The following PTPRD variants were observed in gnomAD, a reference collection of about 807,000 sequenced individuals.
PTPRD encodes the protein receptor-type tyrosine-protein phosphatase delta.
PTPRD carries 34 observed loss-of-function variants against 214.5 expected under a neutral mutation model. The ratio of observed to expected loss-of-function variants is 0.16; its 90% CI spans 0.12 to 0.21. The LOEUF (loss-of-function observed/expected upper bound fraction) is 0.21, where lower values mean the gene tolerates loss of function less well. Ranked by LOEUF, PTPRD falls within the 10% of genes least tolerant of loss-of-function variation. PTPRD has a pLI of 1.00. For synonymous variants in PTPRD, 1,128 were observed against 845.7 expected, an observed-to-expected ratio of 1.33 and a Z score of -5.79; for missense variants, 2,545 against 2,398.7, an observed-to-expected ratio of 1.06 and a Z score of -1.27.
intron 5 of PTPRD, among the ~76,000 whole-genome samples, chr9:9,840,600 A>G (rs2058052102): frequency 6.6e-6 from 1 of 151,820 alleles, no homozygotes; most frequent in African/African-American, 2.4e-5. Context: ...AATCGGAAAG[A>G]AATGGGAAGG....
chr9:9,220,319 T>TTTTTTAAA (rs1555012243), intron 9 of PTPRD, among the ~76,000 whole-genome samples: 1 of 148,546 alleles, frequency 6.7e-6, no homozygotes, highest in Non-Finnish European at 1.5e-5. Flanking sequence ...GCTTTTTTTT[T>TTTTTTAAA]AAAAGCACTA....
At chr9:10,143,374 G>C (rs1449078492) in intron 3 of PTPRD, among the ~76,000 whole-genome samples, 2 of 152,054 alleles carry the variant, frequency 1.3e-5, no homozygotes, top group African/African-American at 4.8e-5. Context: ...TCTTACACCA[G>C]TTAGAATGGC....
At chr9:8,755,995 ATG>A (rs1431455838) in intron 11 of PTPRD, among the ~76,000 whole-genome samples, 1 of 152,240 alleles carries the variant, frequency 6.6e-6, no homozygotes, top group Non-Finnish European at 1.5e-5. Flanking sequence ...AAACATTAGT[ATG>A]TGTGTAGAAG....
At chr9:8,565,286 G>A (rs1194283233) in intron 14 of PTPRD, among the ~76,000 whole-genome samples, 1 of 152,140 alleles carries the variant, frequency 6.6e-6, no homozygotes, top group Non-Finnish European at 1.5e-5. Context: ...GTAATCAACT[G>A]CTATTTTAAA....
intron 5 of PTPRD, among the ~76,000 whole-genome samples, chr9:9,818,892 G>C (rs2049710070): frequency 7.2e-6 from 1 of 138,946 alleles, no homozygotes; most frequent in African/African-American, 2.8e-5. Context: ...CTCCAGCCTG[G>C]GCAACAGAGC....
intron 8 of PTPRD, among the ~76,000 whole-genome samples, chr9:9,482,703 C>T (rs116588162): frequency 0.011 from 1,646 of 152,230 alleles, 32 homozygotes; most frequent in African/African-American, 0.037. Flanking sequence ...CACATTTATG[C>T]TTAAAATAAG....
chr9:10,210,047 T>A (rs1488882964), intron 3 of PTPRD, among the ~76,000 whole-genome samples: 1 of 152,126 alleles, frequency 6.6e-6, no homozygotes, highest in African/African-American at 2.4e-5. Flanking sequence ...TTTTAAAAGG[T>A]GAAAAAGTTT....
chr9:8,888,864 A>ACTT (rs1015851241), intron 11 of PTPRD, among the ~76,000 whole-genome samples: 1 of 152,196 alleles, frequency 6.6e-6, no homozygotes, highest in Non-Finnish European at 1.5e-5. Context: ...AGGTTATTGT[A>ACTT]CTTATTAACT....
intron 11 of PTPRD, among the ~76,000 whole-genome samples, chr9:8,911,341 G>C (rs2098745743): frequency 6.6e-6 from 1 of 151,846 alleles, no homozygotes; most frequent in Admixed American, 6.6e-5. Context: ...AATTCAGTTG[G>C]GAAAAGATGG....
rs16930183 is a variant in PTPRD, at chr9:9,744,288, C to A, written c.-325-9717G>T. ...ACCTTTCCTTTGGAGGGAAATGAGT[C>A]GTTTTAGAGTAGAGTGGCTGCAATT... On this transcript the variant is annotated intron_variant, in intron 6 of 45. Transcript: ENST00000381196. Among the ~76,000 whole-genome samples the A allele has an allele frequency of 9.4e-3, 1,431 of 152,146 alleles. 13 individuals carry two copies. Among genetic ancestry groups the A allele is most frequent in the African/African-American group, 0.018 (748 of 41,528 alleles).
chr9:8,859,535 G>T (rs1014932390), intron 11 of PTPRD, among the ~76,000 whole-genome samples: 5 of 152,140 alleles, frequency 3.3e-5, no homozygotes, highest in African/African-American at 1.2e-4. Context: ...TCTGTGTTCA[G>T]GCCAGCACAT....
At chr9:10,310,340 G>T (rs2096235164) in intron 3 of PTPRD, among the ~76,000 whole-genome samples, 1 of 151,966 alleles carries the variant, frequency 6.6e-6, no homozygotes, top group African/African-American at 2.4e-5. Context: ...CTTGCCCCCT[G>T]CCAACTGATA....
At chr9:9,207,806 A>G (rs2099945809) in intron 9 of PTPRD, among the ~76,000 whole-genome samples, 1 of 152,074 alleles carries the variant, frequency 6.6e-6, no homozygotes, top group Non-Finnish European at 1.5e-5. Context: ...AAACAACTCA[A>G]ATTTCCATCA....
At chr9:9,893,369 G>A (rs767809888) in intron 5 of PTPRD, among the ~76,000 whole-genome samples, 9 of 152,030 alleles carry the variant, frequency 5.9e-5, no homozygotes, top group Non-Finnish European at 1.3e-4. Context: ...TTGGTATGCT[G>A]TCTTCAAGAG....
intron 5 of PTPRD, among the ~76,000 whole-genome samples, chr9:9,785,062 G>T (rs2098910693): frequency 6.6e-6 from 1 of 150,868 alleles, no homozygotes; most frequent in Non-Finnish European, 1.5e-5. Context: ...TCTTTAGAAA[G>T]AATGAAAGAA....
chr9:10,038,589 T>C (rs1459788921), intron 3 of PTPRD, among the ~76,000 whole-genome samples: 1 of 152,072 alleles, frequency 6.6e-6, no homozygotes, highest in African/African-American at 2.4e-5. Flanking sequence ...ACAGAACTGA[T>C]CCTCAAAGAG....
At chr9:8,851,339 C>A (rs1353444444) in intron 11 of PTPRD, among the ~76,000 whole-genome samples, 3 of 152,192 alleles carry the variant, frequency 2.0e-5, no homozygotes, top group Admixed American at 6.5e-5. Flanking sequence ...GAGAGAAACG[C>A]TCTCTTTGTG....
At chr9:10,126,199 TAGTG>T (rs1353004407) in intron 3 of PTPRD, among the ~76,000 whole-genome samples, 1 of 152,094 alleles carries the variant, frequency 6.6e-6, no homozygotes, top group East Asian at 1.9e-4. Context: ...AGTTGAGAAA[TAGTG>T]AGCTCGATTT....
intron 3 of PTPRD, among the ~76,000 whole-genome samples, chr9:10,081,714 G>A (rs2098241002): frequency 6.6e-6 from 1 of 152,024 alleles, no homozygotes; most frequent in Non-Finnish European, 1.5e-5. Context: ...AGTAAGACAG[G>A]GGTGTTATTA....
Sources: gnomAD v4.1 joint callset for allele counts (sites outside exome capture counted in the v4.1 genomes callset) on GRCh38, gnomAD v4.1.1 for gene constraint, MANE v1.5 for transcripts, NCBI Gene and HGNC (gene_info 2026-07-23, HGNC 2026-07-21) for gene names.